The following FER1L6 variants were observed in gnomAD, a reference collection of about 807,000 sequenced individuals.
The protein encoded by FER1L6 is fer-1-like protein 6.
Under a neutral mutation model 219.2 loss-of-function variants are expected in FER1L6, and 177 were observed. The ratio of observed to expected loss-of-function variants is 0.81; its 90% confidence interval spans 0.71 to 0.91. The LOEUF (loss-of-function observed/expected upper bound fraction) is 0.91. Ranked by LOEUF, FER1L6 falls within the 40% of genes least tolerant of loss-of-function variation. The probability of loss-of-function intolerance (pLI) is 0.00; values close to 1 mark genes in which losing one functional copy is unlikely to be tolerated. For synonymous variants in FER1L6, 768 were observed against 824.3 expected, an observed-to-expected ratio of 0.93 and a Z score of 1.17; for missense variants, 2,153 against 2,259.9, an observed-to-expected ratio of 0.95 and a Z score of 0.96.
At chr8:124,077,773 A>G (rs765074723) in intron 32 of FER1L6, among the ~76,000 whole-genome samples, 1 of 152,222 alleles carries the variant, frequency 6.6e-6, no homozygotes, top group Non-Finnish European at 1.5e-5. Context: ...CACCTCATCC[A>G]AAAGCTCTCC....
intron 22 of FER1L6, among the ~76,000 whole-genome samples, chr8:124,054,787 G>A (rs1378580797): frequency 6.6e-6 from 1 of 152,226 alleles, no homozygotes; most frequent in African/African-American, 2.4e-5. Context: ...GATGAGGCCA[G>A]TGGGAAAAGA....
At chr8:124,062,125 C>A in intron 25 of FER1L6, 93 bp downstream of exon 25, 1 of 1,363,836 alleles carries the variant, frequency 7.3e-7, no homozygotes, top group Non-Finnish European at 1.0e-6. Context: ...GAGGATGCCC[C>A]ACAGCCAAGT....
In FER1L6 at chr8:124,020,130, G is replaced by A. The variant is rs538072783; in HGVS notation, c.2014-1420G>A. 7.0e-4 allele frequency among the ~76,000 whole-genome samples: 106 copies of A among 152,088 alleles called. 2 individuals carry two copies. Among genetic ancestry groups the A allele is most frequent in the Non-Finnish European group, 2.4e-4 (16 of 68,018 alleles). On this transcript the variant is annotated intron_variant, in intron 16 of 40. Transcript: ENST00000522917. ...TCATCAGATCTGATGGTTTATAAAG[G>A]GTAGTTTCCCTGCACAAGCTCTGTT...
rs927003523 is a variant in FER1L6 at position 123,883,328 on chromosome 8, A to T, written c.-8+31143A>T. ...CTTTACAGGCTGCCTCAAGAGAAGG[A>T]AGTGGGGGCAAAAAAGCATTGGCAT... On this transcript the variant is annotated intron_variant, in intron 1 of 40. Transcript: ENST00000522917. Among the ~76,000 whole-genome samples the T allele has an allele frequency of 1.3e-4, 20 of 152,270 alleles. No homozygotes were observed. The South Asian group carries it at 3.5e-3, about 27-fold the overall frequency.
At chr8:124,052,968 G>C (rs377155407) in intron 22 of FER1L6, among the ~76,000 whole-genome samples, 2 of 152,284 alleles carry the variant, frequency 1.3e-5, no homozygotes, top group East Asian at 1.9e-4. Flanking sequence ...TAAAAAAAAT[G>C]GTTGTGGGAT....
At chr8:123,984,306 G>T (rs1427030952) in intron 11 of FER1L6, 1 of 152,226 alleles carries the variant, frequency 6.6e-6, no homozygotes, top group Non-Finnish European at 1.5e-5. Context: ...GAATGGAAGG[G>T]TTGAGATTTG....
intron 15 of FER1L6, among the ~76,000 whole-genome samples, chr8:124,015,099 G>A (rs1158949427): frequency 2.0e-5 from 3 of 152,174 alleles, no homozygotes; most frequent in Admixed American, 6.6e-5. Flanking sequence ...AGAGCAGCTG[G>A]CTTCATTAGA....
chr8:124,119,722 A>G lies in FER1L6; in HGVS notation c.5506A>G (p.Ile1836Val), dbSNP rs1174138357. The change falls in exon 41 of 41, where the codon ATC (isoleucine) becomes GTC (valine). Residue 1836 changes from isoleucine (I) to valine (V), a missense_variant. Transcript: ENST00000522917. Reference protein sequence around the residue: ...IIAFILIILIIFLVLFIYTLP... With the variant: ...IIAFILIILIVFLVLFIYTLP... ...TGCTTTCATTCTCATCATCCTCATC[A>G]TCTTCCTCGTCCTTTTCATCTACAC... is the stretch of plus-strand genomic sequence containing the variant. 1 of 1,613,330 alleles carries G rather than the reference A, an allele frequency of 6.2e-7. No individual in the cohort carries two copies. The highest frequency in any genetic ancestry group is 1.3e-5 in the African/African-American group (1 of 74,768).
At chr8:123,970,772 G>A (rs1306084460) in intron 6 of FER1L6, among the ~76,000 whole-genome samples, 2 of 152,120 alleles carry the variant, frequency 1.3e-5, no homozygotes, top group Admixed American at 6.5e-5. Context: ...CCACTACATG[G>A]AGGACAGGAA....
intron 1 of FER1L6, among the ~76,000 whole-genome samples, chr8:123,953,154 T>C (rs1814846460): frequency 6.6e-6 from 1 of 152,092 alleles, no homozygotes; most frequent in Non-Finnish European, 1.5e-5. Flanking sequence ...GGAGAAGAAA[T>C]CAATTTTCAT....
intron 1 of FER1L6, among the ~76,000 whole-genome samples, chr8:123,922,350 C>G (rs780452937): frequency 6.6e-6 from 1 of 152,198 alleles, no homozygotes; most frequent in Non-Finnish European, 1.5e-5. Context: ...GAATTTCCGT[C>G]TGAGTCACTG....
chr8:123,937,688 G>A (rs934692391), intron 1 of FER1L6, among the ~76,000 whole-genome samples: 5 of 152,062 alleles, frequency 3.3e-5, no homozygotes, highest in African/African-American at 7.2e-5. Flanking sequence ...ACTCATGGCC[G>A]AATATAGATA....
At chr8:124,039,773 T>C (rs1409530685) in intron 19 of FER1L6, 109 bp from the exon 20 acceptor site, 1 of 1,430,408 alleles carries the variant, frequency 7.0e-7, no homozygotes, top group African/African-American at 1.4e-5. Flanking sequence ...GTGGTCTCCT[T>C]TTGTCTGTCT....
In FER1L6 at chr8:123,975,392, G is replaced by A. The variant is rs1370286620; in HGVS notation, c.683+86G>A. On this transcript the variant is annotated intron_variant, in intron 8 of 40. Transcript: ENST00000522917. ...CCCTCCCTCACCACTTTTCTTATGGGTACATGAGAACCATGCTTCTTCTCA... is the reference window on the plus strand; with the variant it reads ...CCCTCCCTCACCACTTTTCTTATGGATACATGAGAACCATGCTTCTTCTCA... 8.6e-6 allele frequency: 11 copies of A among 1,273,064 alleles called. No homozygotes were observed. In the East Asian group the frequency reaches 2.0e-4, roughly 23 times the overall value. The allele number at this position is 1,273,064 out of a possible 1,614,324, so 78.9% of individuals were successfully genotyped here.
In FER1L6 at chr8:124,067,786, A is replaced by T; in HGVS notation, c.3698A>T (p.Lys1233Met). ...TCAAAGGCAAAGGAGAGAAATCCCA[A>T]GGGAAAAAAAGGCAATACAGGTAAG... ...KAQKAKERNP[K>M]GKKGNTEAKP... Residue 1233 changes from lysine to methionine, a missense_variant, in exon 28 of 41, where the codon AAG becomes ATG. Coordinates refer to ENST00000522917, the MANE Select transcript of FER1L6 (RefSeq NM_001039112.2). The T allele has an allele frequency of 6.2e-7, 1 of 1,612,618 alleles. No individual in the cohort carries two copies.
intron 18 of FER1L6, among the ~76,000 whole-genome samples, chr8:124,024,192 G>C (rs1366451357): frequency 6.9e-6 from 1 of 145,794 alleles, no homozygotes; most frequent in East Asian, 2.0e-4. Flanking sequence ...CACCGTACTT[G>C]GCCATTTTTT....
At chr8:124,076,415 C>T in intron 32 of FER1L6, 90 bp downstream of exon 32, 1 of 1,302,054 alleles carries the variant, frequency 7.7e-7, no homozygotes, top group Non-Finnish European at 1.1e-6. Context: ...TGTTTGTGTT[C>T]CTGGGTGAAA....
chr8:123,859,391 CT>C (rs1816705050), intron 1 of FER1L6, among the ~76,000 whole-genome samples: 2 of 152,092 alleles, frequency 1.3e-5, no homozygotes, highest in Admixed American at 1.3e-4. Context: ...CAATTTATCG[CT>C]TTTTTGTGTG....
At chr8:123,874,489 G>T (rs550463779) in intron 1 of FER1L6, among the ~76,000 whole-genome samples, 1 of 152,188 alleles carries the variant, frequency 6.6e-6, no homozygotes, top group Admixed American at 6.5e-5. Flanking sequence ...TAAAGAAACG[G>T]TAGCTGGCTT....
Sources: gnomAD v4.1 joint callset for allele counts (sites outside exome capture counted in the v4.1 genomes callset) on GRCh38, gnomAD v4.1.1 for gene constraint, MANE v1.5 for transcripts, NCBI Gene and HGNC (gene_info 2026-07-23, HGNC 2026-07-21) for gene names.